SLC71A1: variants seen among roughly 807,000 people sequenced by gnomAD.
SLC71A1 encodes the protein solute carrier family 71 member 1.
At chr1:100,049,858 G>A in the SLC71A1 span, 2 of 864,870 alleles carry the variant, frequency 2.3e-6, no homozygotes, top group Admixed American at 2.2e-5. Flanking sequence ...AATAATTATA[G>A]AATGTACTGT....
At chr1:100,070,555 G>A in the SLC71A1 span, among the ~76,000 whole-genome samples, 12 of 152,276 alleles carry the variant, frequency 7.9e-5, no homozygotes, top group African/African-American at 2.6e-4. Context: ...AACAGTTGTT[G>A]TGTGATGAAT....
At chr1:100,080,807 C>G in the SLC71A1 span, 1 of 652,170 alleles carries the variant, frequency 1.5e-6, no homozygotes, top group Non-Finnish European at 2.5e-6. Context: ...CTGTGTTCTT[C>G]TACATACCAC....
At chr1:100,048,672 G>A in the SLC71A1 span, among the ~76,000 whole-genome samples, 1 of 151,876 alleles carries the variant, frequency 6.6e-6, no homozygotes, top group Non-Finnish European at 1.5e-5. Flanking sequence ...CTATTTTCCT[G>A]TGCCTCCTAC....
At chr1:100,038,167 C>A in the SLC71A1 span, 1 of 1,385,914 alleles carries the variant, frequency 7.2e-7, no homozygotes, top group Non-Finnish European at 1.0e-6. Context: ...GGTGGGACGG[C>A]ACTAGCTGCT....
the SLC71A1 span, chr1:100,043,013 T>G: frequency 1.2e-6 from 1 of 815,832 alleles, no homozygotes; most frequent in Non-Finnish European, 1.5e-6. Context: ...CCTCCATGGT[T>G]CAGTGTTTGG....
At chr1:100,061,003 C>G in the SLC71A1 span, among the ~76,000 whole-genome samples, 1 of 151,964 alleles carries the variant, frequency 6.6e-6, no homozygotes. Flanking sequence ...TCTAATAGAC[C>G]AAGCCTTTGA....
the SLC71A1 span, among the ~76,000 whole-genome samples, chr1:100,041,806 C>T: frequency 1.1e-4 from 16 of 152,186 alleles, no homozygotes; most frequent in South Asian, 3.3e-3. Flanking sequence ...TGCCTGTAAT[C>T]CCAGCTACCC....
At chr1:100,080,659 G>C in the SLC71A1 span, 3 of 1,611,384 alleles carry the variant, frequency 1.9e-6, no homozygotes, top group Non-Finnish European at 2.5e-6. Flanking sequence ...ACTTTGAACA[G>C]GTAATTCTCA....
the SLC71A1 span, among the ~76,000 whole-genome samples, chr1:100,040,507 G>C: frequency 2.6e-5 from 4 of 152,036 alleles, no homozygotes; most frequent in African/African-American, 9.7e-5. Flanking sequence ...GCCCAGGCTG[G>C]AGGAGTGCAG....
the SLC71A1 span, among the ~76,000 whole-genome samples, chr1:100,048,162 G>A: frequency 6.6e-6 from 1 of 151,494 alleles, no homozygotes; most frequent in Admixed American, 6.6e-5. Flanking sequence ...GACAAAACAG[G>A]TTTAAAGCTT....
the SLC71A1 span, chr1:100,080,748 G>C: frequency 9.0e-7 from 1 of 1,114,204 alleles, no homozygotes; most frequent in Admixed American, 2.2e-5. Context: ...TTTTATGTGA[G>C]ATTCTATTTG....
At chr1:100,068,534 C>A in the SLC71A1 span, 1 of 1,614,016 alleles carries the variant, frequency 6.2e-7, no homozygotes, top group South Asian at 1.1e-5. Context: ...GTGTTTCTCT[C>A]CTACCTACCG....
At chr1:100,078,393 G>A in the SLC71A1 span, 10 of 1,100,370 alleles carry the variant, frequency 9.1e-6, no homozygotes, top group South Asian at 1.4e-4. Flanking sequence ...TATGTAGTTT[G>A]ACTTTCAGGT....
At chr1:100,075,197 C>A in the SLC71A1 span, among the ~76,000 whole-genome samples, 1 of 152,240 alleles carries the variant, frequency 6.6e-6, no homozygotes, top group Admixed American at 6.5e-5. Flanking sequence ...ATGGCTGGCC[C>A]ATGCCATCCT....
chr1:100,076,209 A>G, the SLC71A1 span, among the ~76,000 whole-genome samples: 1 of 152,334 alleles, frequency 6.6e-6, no homozygotes, highest in African/African-American at 2.4e-5. Context: ...TTAAGTGGCC[A>G]TCTCAATTTA....
At chr1:100,078,182 T>C in the SLC71A1 span, among the ~76,000 whole-genome samples, 2 of 152,244 alleles carry the variant, frequency 1.3e-5, no homozygotes, top group Admixed American at 1.3e-4. Context: ...CTCAATTGCC[T>C]GTAGAAATAA....
chr1:100,077,297 T>G, the SLC71A1 span: 3 of 1,228,196 alleles, frequency 2.4e-6, no homozygotes, highest in South Asian at 3.9e-5. Flanking sequence ...AATATTTTAA[T>G]GTTAATATTT....
the SLC71A1 span, chr1:100,082,140 C>G: frequency 6.2e-7 from 1 of 1,614,186 alleles, no homozygotes. Context: ...GTGGCAGTCA[C>G]AGCCATCCTC....
chr1:100,073,884 G>GAGTT, the SLC71A1 span, among the ~76,000 whole-genome samples: 1 of 152,066 alleles, frequency 6.6e-6, no homozygotes, highest in Non-Finnish European at 1.5e-5. Flanking sequence ...TAAATTAAGG[G>GAGTT]ACACCAAAAA....
Sources: allele counts gnomAD v4.1 joint callset (sites outside exome capture counted in the v4.1 genomes callset), GRCh38; gene constraint gnomAD v4.1.1; transcripts MANE v1.5; gene names NCBI Gene and HGNC (gene_info 2026-07-23, HGNC 2026-07-21).